SIN3B: variants seen among roughly 807,000 people sequenced by gnomAD.
SIN3B encodes paired amphipathic helix protein Sin3b.
In SIN3B, 19 loss-of-function variants were observed where a neutral mutation model predicts 120.2. The observed-to-expected ratio is 0.16, with a 90% CI of 0.11 to 0.23. The LOEUF is 0.23. Ranked by LOEUF, SIN3B falls within the 10% of genes least tolerant of loss-of-function variation. The probability of loss-of-function intolerance (pLI) is 1.00; values close to 1 mark genes in which losing one functional copy is unlikely to be tolerated. For synonymous variants in SIN3B, 654 were observed against 653.2 expected (o/e 1.00, Z -0.02); for missense variants, 1,073 against 1,573.0 (o/e 0.68, Z 5.38).
intron 2 of SIN3B, 106 bp from the exon 3 acceptor site, chr19:16,831,388 T>G: frequency 8.4e-7 from 1 of 1,185,832 alleles, no homozygotes; most frequent in Non-Finnish European, 1.2e-6. Flanking sequence ...TCCTTTGTTG[T>G]CTGTTGAGAA....
Position 16,831,614 on chromosome 19 carries a change from C to G in SIN3B, c.348C>G (p.Gly116=). The G allele has an allele frequency of 6.2e-7, 1 of 1,613,978 alleles. No homozygotes were observed. The highest frequency in any genetic ancestry group is 8.5e-7 in the Non-Finnish European group (1 of 1,179,942). ...ATAGAATAGACATTCCCAAGAATGG[C>G]AAGTTAAACATACAGTCGCCTCTGA... The part of the protein sequence containing the change: ...LGYRIDIPKN[G]KLNIQSPLTS... Residue 116 remains glycine, a synonymous_variant, in exon 3 of 19, where the codon GGC becomes GGG. Transcript: ENST00000248054.
chr19:16,842,219 C>G (rs538442610), intron 4 of SIN3B, among the ~76,000 whole-genome samples: 1 of 151,956 alleles, frequency 6.6e-6, no homozygotes, highest in South Asian at 2.1e-4. Flanking sequence ...TCCCAAGTAG[C>G]GGAGGCTACT....
At chr19:16,868,506 T>C (rs1262108714) in intron 12 of SIN3B, among the ~76,000 whole-genome samples, 2 of 151,954 alleles carry the variant, frequency 1.3e-5, no homozygotes, top group Non-Finnish European at 2.9e-5. Flanking sequence ...AAGGGGTGAT[T>C]GTCTAATGGT....
intron 12 of SIN3B, 96 bp downstream of exon 12, chr19:16,866,652 G>A: frequency 1.6e-6 from 2 of 1,265,120 alleles, no homozygotes; most frequent in Non-Finnish European, 2.2e-6. Context: ...GGTTAGGCAG[G>A]GTAGTGGCAT....
chr19:16,854,227 T>C lies in SIN3B; in HGVS notation c.1024T>C (p.Ser342Pro). 6.2e-7 allele frequency: 1 copy of C among 1,612,816 alleles called. No homozygotes were observed. The highest frequency in any genetic ancestry group is 8.5e-7 in the Non-Finnish European group (1 of 1,179,820). ...CTTCAACCAGGAGCTGGTGTCTGGC[T>C]CTGAGCTCCTGCAGCTCGTCAGCCC... is the stretch of plus-strand genomic sequence containing the variant. ...ALFNQELVSG[S>P]ELLQLVSPFL... The change falls in exon 8 of 19, where the codon TCT becomes CCT. Residue 342 changes from serine (S) to proline (P), a missense_variant. Coordinates refer to ENST00000248054, the MANE Select transcript of SIN3B (RefSeq NM_001297595.2).
At chr19:16,875,698 C>T (rs1208264092) in intron 14 of SIN3B, among the ~76,000 whole-genome samples, 2 of 126,262 alleles carry the variant, frequency 1.6e-5, no homozygotes, top group East Asian at 2.5e-4. Flanking sequence ...CTGGTCTGGT[C>T]GGTTCGGTCT....
At position 16,829,435 on chromosome 19, in the gene SIN3B, C is replaced by A. The variant is rs894997099; in HGVS notation, c.15C>A (p.Gly5=). The A allele has an allele frequency of 3.3e-6, 4 of 1,208,314 alleles. No homozygotes were observed. In the African/African-American group the frequency reaches 4.7e-5, roughly 14 times the overall value. The allele number at this position is 1,208,314 out of a possible 1,614,324, so 74.8% of individuals were successfully genotyped here. A position where few individuals can be genotyped will look rare whatever the true frequency, so the allele number is the denominator to read the frequency against. Residue 5 remains glycine, a synonymous_variant, in exon 1 of 19, where the codon GGC becomes GGA. Coordinates refer to ENST00000248054, the MANE Select transcript of SIN3B (RefSeq NM_001297595.2). MAHA[G]GGSGGSGAGG... ...CGACTTCGGACATGGCGCACGCTGG[C>A]GGTGGCAGCGGTGGCAGCGGTGCCG...
intron 12 of SIN3B, 48 bp downstream of exon 12, chr19:16,866,604 T>A: frequency 6.3e-7 from 1 of 1,575,804 alleles, no homozygotes. Flanking sequence ...GGGTCCTGGC[T>A]CTCCCGACCG....
chr19:16,854,816 T>A (rs1038148100), intron 8 of SIN3B: 4 of 152,292 alleles, frequency 2.6e-5, no homozygotes, highest in Non-Finnish European at 5.9e-5. Flanking sequence ...CTGGAATAAT[T>A]GGGTAAATTG....
At position 16,871,406 on chromosome 19, in the gene SIN3B, G is replaced by A. The variant is rs769183464; in HGVS notation, c.2592+8G>A. The A allele has an allele frequency of 1.1e-5, 18 of 1,592,690 alleles. No homozygotes were observed. Among genetic ancestry groups the A allele is most frequent in the East Asian group, 2.3e-5 (1 of 44,422 alleles). On this transcript the variant is annotated splice_region_variant and intron_variant, in intron 14 of 18. Transcript: ENST00000248054. The stretch of plus-strand genomic sequence containing the variant: ...CAGAACATTGCGCGGCAGGTGAGCC[G>A]GGCCGGGGTGGGGCCGGCCCTGAGG...
chr19:16,864,497 T>TG (rs397752862), intron 10 of SIN3B, among the ~76,000 whole-genome samples: 1 of 141,622 alleles, frequency 7.1e-6, no homozygotes, highest in Admixed American at 7.0e-5. Context: ...CCCAAGTTGT[T>TG]TTTTTTACTT....
At position 16,878,847 on chromosome 19, in the gene SIN3B, G is replaced by A. The variant is rs1182602574; in HGVS notation, c.*120G>A. The A allele has an allele frequency of 1.7e-5, 16 of 921,644 alleles. No individual in the cohort carries two copies. The highest frequency in any genetic ancestry group is 5.3e-5 in the East Asian group (2 of 37,868). The allele number at this position is 921,644 out of a possible 1,614,324, so 57.1% of individuals were successfully genotyped here. A position where few individuals can be genotyped will look rare whatever the true frequency, so the allele number is the denominator to read the frequency against. On this transcript the variant is annotated 3_prime_UTR_variant, in exon 19 of 19. Coordinates refer to ENST00000248054, the MANE Select transcript of SIN3B (RefSeq NM_001297595.2). Reference sequence around the variant, plus strand: ...GGCATCTCCCAGCCCCTCTGCTGCCGGACAGCGCACTCCAGGGCAGGACGC... The same window carrying A: ...GGCATCTCCCAGCCCCTCTGCTGCCAGACAGCGCACTCCAGGGCAGGACGC...
chr19:16,851,401 T>C lies in SIN3B; in HGVS notation c.727-11T>C, dbSNP rs200950099. 1,104 of 1,587,546 alleles carry C rather than the reference T, an allele frequency of 7.0e-4. No individual in the cohort carries two copies. Among genetic ancestry groups the C allele is most frequent in the Non-Finnish European group, 7.9e-4 (920 of 1,166,302 alleles). On this transcript the variant is annotated splice_polypyrimidine_tract_variant and intron_variant, in intron 5 of 18. Coordinates refer to ENST00000248054, the MANE Select transcript of SIN3B (RefSeq NM_001297595.2). The stretch of plus-strand genomic sequence containing the variant: ...TCTCCGGTGCTGACCACCTCCCACA[T>C]GTGTCCTTAGTTCACAGGAAACGGG...
In SIN3B at chr19:16,879,950, C is replaced by T. The variant is rs544640943; in HGVS notation, c.*1223C>T. The T allele has an allele frequency of 9.8e-5, 15 of 152,436 alleles. No homozygotes were observed. Among genetic ancestry groups the T allele is most frequent in the African/African-American group, 3.4e-4 (14 of 41,590 alleles). 9.4% of individuals were successfully genotyped at this position (152,436 alleles called of 1,614,324 possible). ...GTTTCCAGGAAGTGGAGATGTGTTT[C>T]TAGAAGTTTCCTGTGGAACCTGGAG... On this transcript the variant is annotated 3_prime_UTR_variant, in exon 19 of 19. Transcript: ENST00000248054.
At chr19:16,831,280 C>G (rs1451754745) in intron 2 of SIN3B, among the ~76,000 whole-genome samples, 1 of 152,088 alleles carries the variant, frequency 6.6e-6, no homozygotes, top group African/African-American at 2.4e-5. Context: ...CCAGTCTGGT[C>G]TCGAACTCTT....
chr19:16,871,677 C>T (rs1389562954), intron 14 of SIN3B: 2 of 385,144 alleles, frequency 5.2e-6, no homozygotes, highest in Non-Finnish European at 9.3e-6. Context: ...GCAGCCACTG[C>T]CCATTCCCCT....
chr19:16,842,330 T>G (rs1284985955), intron 4 of SIN3B, among the ~76,000 whole-genome samples: 1 of 151,960 alleles, frequency 6.6e-6, no homozygotes, highest in African/African-American at 2.4e-5. Flanking sequence ...CTTGAACTCC[T>G]GAACTCAAAC....
intron 3 of SIN3B, among the ~76,000 whole-genome samples, chr19:16,832,499 CCTTT>C (rs1211572106): frequency 6.9e-6 from 1 of 145,974 alleles, no homozygotes; most frequent in African/African-American, 2.5e-5. Context: ...TGCCCAGCCT[CCTTT>C]TTTTTTTTTT....
chr19:16,875,823 C>A (rs2051595160), intron 14 of SIN3B: 2 of 564,254 alleles, frequency 3.5e-6, no homozygotes, highest in Non-Finnish European at 6.2e-6. Flanking sequence ...CTGGTCTGGT[C>A]TGTTTGGTTT....
Sources: allele counts gnomAD v4.1 joint callset (sites outside exome capture counted in the v4.1 genomes callset), GRCh38; gene constraint gnomAD v4.1.1; transcripts MANE v1.5; gene names NCBI Gene and HGNC (gene_info 2026-07-23, HGNC 2026-07-21).